Variants in GOSR2 observed in about 807,000 individuals in gnomAD.
GOSR2 encodes 27 kDa Golgi SNARE protein.
In GOSR2, 20 loss-of-function variants were observed where a neutral mutation model predicts 27.9. The observed-to-expected ratio is 0.72, with a 90% CI of 0.50 to 1.04. The LOEUF (loss-of-function observed/expected upper bound fraction) is 1.04, where lower values mean the gene tolerates loss of function less well. GOSR2 is among the 50% of genes least tolerant of loss of function. The probability of loss-of-function intolerance (pLI) is 0.00; values close to 1 mark genes in which losing one functional copy is unlikely to be tolerated. For synonymous variants in GOSR2, 91 were observed against 98.8 expected, an observed-to-expected ratio of 0.92 and a Z score of 0.47; for missense variants, 261 against 270.5, an observed-to-expected ratio of 0.97 and a Z score of 0.25.
At chr17:46,974,246 G>A (rs545082450) in intron 6 of GOSR2, among the ~76,000 whole-genome samples, 2 of 152,350 alleles carry the variant, frequency 1.3e-5, no homozygotes, top group Admixed American at 6.5e-5. Context: ...GCTGGCCAGG[G>A]CCAGACGCTA....
downstream of GOSR2, among the ~76,000 whole-genome samples, chr17:46,970,515 A>G (rs966459181): frequency 1.5e-5 from 2 of 130,702 alleles, no homozygotes; most frequent in African/African-American, 2.8e-5. Context: ...ACTCTAGCCC[A>G]GGCGACACAG....
At chr17:46,964,297 C>G (rs2091218980) in intron 6 of GOSR2, 1 of 152,272 alleles carries the variant, frequency 6.6e-6, no homozygotes, top group Non-Finnish European at 1.5e-5. Context: ...TTGGACTCCT[C>G]CTCCAGGGCT....
chr17:46,940,666 G>A lies in GOSR2; in HGVS notation c.*1906G>A, dbSNP rs2089154265. 2.5e-6 allele frequency: 4 copies of A among 1,612,978 alleles called. No individual in the cohort carries two copies. The highest frequency in any genetic ancestry group is 1.6e-4 in the Middle Eastern group (1 of 6,062). On this transcript the variant is annotated 3_prime_UTR_variant, in exon 6 of 6. Coordinates refer to ENST00000640051, the MANE Select transcript of GOSR2 (RefSeq NM_004287.5). ...AGAAGTCCCCGCACCCATCATGCGT[G>A]GACTGATAGGACATCTTTTCGTGGT... is the stretch of plus-strand genomic sequence containing the variant.
At chr17:46,963,416 G>A (rs1454211432) in intron 6 of GOSR2, among the ~76,000 whole-genome samples, 2 of 152,118 alleles carry the variant, frequency 1.3e-5, no homozygotes, top group African/African-American at 4.8e-5. Flanking sequence ...GTGGTGGTGG[G>A]TGTCTGTAAT....
intron 1 of GOSR2, among the ~76,000 whole-genome samples, chr17:46,928,709 T>C (rs1365358437): frequency 1.3e-5 from 2 of 152,314 alleles, no homozygotes; most frequent in Non-Finnish European, 2.9e-5. Flanking sequence ...CTGAATGGTT[T>C]CCTCCAGTGA....
chr17:46,957,798 C>T (rs1390329737), intron 6 of GOSR2, among the ~76,000 whole-genome samples: 1 of 152,116 alleles, frequency 6.6e-6, no homozygotes, highest in Non-Finnish European at 1.5e-5. Context: ...GGCCAGATAT[C>T]GGACAGGAGA....
downstream of GOSR2, among the ~76,000 whole-genome samples, chr17:46,946,461 CAAAA>C (rs61284512): frequency 7.1e-5 from 7 of 98,946 alleles, no homozygotes; most frequent in African/African-American, 8.3e-5. Flanking sequence ...AACTCCGTCT[CAAAA>C]AAAAAAAAAA....
intron 1 of GOSR2, among the ~76,000 whole-genome samples, chr17:46,927,278 G>A (rs896324570): frequency 1.3e-5 from 2 of 151,912 alleles, no homozygotes; most frequent in African/African-American, 4.8e-5. Flanking sequence ...TTTTCTGCAC[G>A]TCAATCCTTT....
chr17:46,956,049 G>A (rs1291731006), intron 6 of GOSR2, among the ~76,000 whole-genome samples: 3 of 152,144 alleles, frequency 2.0e-5, no homozygotes, highest in Non-Finnish European at 4.4e-5. Flanking sequence ...AGGAAGATAC[G>A]GAGTCTGAAC....
chr17:46,968,045 G>A (rs954052954), downstream of GOSR2, among the ~76,000 whole-genome samples: 8 of 152,076 alleles, frequency 5.3e-5, no homozygotes, highest in Non-Finnish European at 7.4e-5. Context: ...CTGGGAAGAG[G>A]ACCAGCCTGG....
intron 4 of GOSR2, 169 bp downstream of exon 4, chr17:46,932,368 A>G: frequency 2.8e-6 from 2 of 707,248 alleles, no homozygotes; most frequent in Non-Finnish European, 4.8e-6. Context: ...CTAGACCTAG[A>G]CAGAGAATCC....
intron 6 of GOSR2, among the ~76,000 whole-genome samples, chr17:46,949,575 C>T (rs193101805): frequency 6.6e-6 from 1 of 152,192 alleles, no homozygotes; most frequent in African/African-American, 2.4e-5. Flanking sequence ...AGAGTACAAT[C>T]TGCCACACTC....
intron 1 of GOSR2, among the ~76,000 whole-genome samples, chr17:46,926,222 CA>C (rs1259354040): frequency 1.1e-4 from 17 of 152,078 alleles, no homozygotes; most frequent in African/African-American, 3.6e-4. Flanking sequence ...AATGTAAAGG[CA>C]AAGTGAGTGA....
chr17:46,947,216 TCTGTGGCCCCAGGAGTTA>T (rs1210180212), intron 6 of GOSR2, among the ~76,000 whole-genome samples: 1 of 152,154 alleles, frequency 6.6e-6, no homozygotes, highest in Non-Finnish European at 1.5e-5. Context: ...TGTCCTAGAT[TCTGTGGCCCCAGGAGTTA>T]CTGCTCAGGA....
At chr17:46,951,041 C>T (rs2090303366) in intron 6 of GOSR2, among the ~76,000 whole-genome samples, 1 of 152,198 alleles carries the variant, frequency 6.6e-6, no homozygotes, top group Non-Finnish European at 1.5e-5. Context: ...CATGGCCTGT[C>T]ACTGTACCAT....
intron 1 of GOSR2, among the ~76,000 whole-genome samples, chr17:46,925,102 C>G (rs905368838): frequency 2.0e-5 from 3 of 150,086 alleles, no homozygotes; most frequent in South Asian, 2.1e-4. Flanking sequence ...AACAATGCAC[C>G]CTTGGACTCT....
At chr17:46,946,113 G>A (rs1020087736), downstream of GOSR2, among the ~76,000 whole-genome samples, 1 of 151,852 alleles carries the variant, frequency 6.6e-6, no homozygotes, top group African/African-American at 2.4e-5. Context: ...ATTCTCTGTC[G>A]TCACTCACTT....
intron 3 of GOSR2, chr17:46,931,514 G>A (rs2087377518): frequency 6.8e-6 from 3 of 440,138 alleles, no homozygotes; most frequent in Non-Finnish European, 1.2e-5. Context: ...TGTTGCCATG[G>A]AGTTTTGTTC....
intron 6 of GOSR2, among the ~76,000 whole-genome samples, chr17:46,958,464 G>C (rs540184953): frequency 6.6e-6 from 1 of 152,348 alleles, no homozygotes; most frequent in African/African-American, 2.4e-5. Flanking sequence ...AGGAAGTGCT[G>C]ACGGCAGGAA....
Sources: allele counts gnomAD v4.1 joint callset (sites outside exome capture counted in the v4.1 genomes callset), GRCh38; gene constraint gnomAD v4.1.1; transcripts MANE v1.5; gene names NCBI Gene and HGNC (gene_info 2026-07-23, HGNC 2026-07-21).